Variants in TENM3 observed in about 807,000 individuals in gnomAD.
TENM3 encodes teneurin-3.
A neutral mutation model predicts 255.1 loss-of-function variants in TENM3; 63 were observed. That is an observed-to-expected ratio of 0.25 (90% CI 0.20 to 0.30). The LOEUF (loss-of-function observed/expected upper bound fraction) is 0.30. TENM3 is among the 10% of genes least tolerant of loss of function. The pLI is 1.00. For missense variants in TENM3, 2,929 were observed against 3,461.1 expected (o/e 0.85, Z 3.86); for synonymous variants, 1,306 against 1,322.3 (o/e 0.99, Z 0.27).
rs544303966 is a variant in TENM3, at chr4:182,156,278, A to G, written c.-76+11524A>G. On this transcript the variant is annotated intron_variant, in intron 1 of 2. Transcript: ENST00000512480. ...TTAACAATTTCTCCAGAACAAGTGC[A>G]TTTTTATGAGGTACGCGCCACTGAA... Among the ~76,000 whole-genome samples the G allele has an allele frequency of 1.5e-4, 23 of 152,292 alleles. No individual in the cohort carries two copies. The East Asian group carries it at 4.1e-3, about 27-fold the overall frequency.
At chr4:182,360,543 C>T (rs1765889550) in intron 3 of TENM3, among the ~76,000 whole-genome samples, 1 of 151,766 alleles carries the variant, frequency 6.6e-6, no homozygotes, top group Non-Finnish European at 1.5e-5. Flanking sequence ...AGGATTGCAA[C>T]CCCTGCCTTT....
At chr4:181,844,234 G>C in the TENM3 span, among the ~76,000 whole-genome samples, 1 of 152,050 alleles carries the variant, frequency 6.6e-6, no homozygotes, top group Non-Finnish European at 1.5e-5. Flanking sequence ...TGTTGCATTG[G>C]GGATTAAGTT....
chr4:182,051,218 C>T, the TENM3 span, among the ~76,000 whole-genome samples: 2 of 151,768 alleles, frequency 1.3e-5, no homozygotes, highest in Non-Finnish European at 2.9e-5. Context: ...TGGCAAGCGC[C>T]TGTAATCCCA....
chr4:182,663,744 A>T (rs542236867), intron 6 of TENM3, among the ~76,000 whole-genome samples: 16 of 152,330 alleles, frequency 1.1e-4, no homozygotes, highest in African/African-American at 3.1e-4. Flanking sequence ...TGTTAGTCAT[A>T]TGTCAAAAAT....
the TENM3 span, among the ~76,000 whole-genome samples, chr4:181,921,280 G>T: frequency 6.6e-6 from 1 of 152,252 alleles, no homozygotes; most frequent in East Asian, 1.9e-4. Flanking sequence ...GAAAGTCATT[G>T]GTAGCTTGAT....
intron 3 of TENM3, among the ~76,000 whole-genome samples, chr4:182,481,804 A>G (rs533614262): frequency 1.3e-5 from 2 of 152,398 alleles, no homozygotes; most frequent in South Asian, 2.1e-4. Flanking sequence ...TCAAAAATCA[A>G]TCACTCACTC....
chr4:182,503,080 T>G (rs1736479222), intron 3 of TENM3, among the ~76,000 whole-genome samples: 1 of 152,180 alleles, frequency 6.6e-6, no homozygotes, highest in African/African-American at 2.4e-5. Context: ...GGTTCAACTA[T>G]TCCTTATTTC....
chr4:181,894,059 A>G, the TENM3 span, among the ~76,000 whole-genome samples: 16 of 152,134 alleles, frequency 1.1e-4, no homozygotes, highest in South Asian at 4.1e-4. Flanking sequence ...TCTAGCAGGT[A>G]AGAAGAAAAC....
At chr4:181,906,877 C>CTTTTTAT in the TENM3 span, among the ~76,000 whole-genome samples, 4 of 151,958 alleles carry the variant, frequency 2.6e-5, no homozygotes, top group Admixed American at 2.0e-4. Flanking sequence ...GTCAACTCAC[C>CTTTTTAT]TTTTTATTTT....
Position 182,752,016 on chromosome 4 carries a change from A to T in TENM3, c.3846A>T (p.Thr1282=), listed in dbSNP as rs555183814. The stretch of plus-strand genomic sequence containing the variant: ...ATGGAGGGAAGGCCGTGGAAGCCAC[A>T]CTCATGAGTCCCAAAGGTACCGGCA... ...CGDGGKAVEA[T]LMSPKGMAVD... is the part of the protein sequence containing the mutation. The change falls in exon 20 of 28, where the codon ACA becomes ACT. Residue 1282 remains threonine, a synonymous_variant. Transcript: ENST00000511685. 5.0e-6 allele frequency: 8 copies of T among 1,606,814 alleles called. No homozygotes were observed. The highest frequency in any genetic ancestry group is 1.8e-4 in the Middle Eastern group (1 of 5,632).
At chr4:182,373,132 G>A (rs755998234) in intron 3 of TENM3, among the ~76,000 whole-genome samples, 7 of 152,214 alleles carry the variant, frequency 4.6e-5, no homozygotes, top group Non-Finnish European at 1.0e-4. Flanking sequence ...CGATAAAGAA[G>A]GGCAACATCT....
At chr4:182,135,714 T>C in the TENM3 span, among the ~76,000 whole-genome samples, 1 of 152,228 alleles carries the variant, frequency 6.6e-6, no homozygotes, top group Non-Finnish European at 1.5e-5. Flanking sequence ...GTATTGATGA[T>C]GTAAACATCT....
At chr4:181,563,551 T>C in the TENM3 span, among the ~76,000 whole-genome samples, 17,414 of 152,192 alleles carry the variant, frequency 0.11, 1,103 homozygotes, top group Middle Eastern at 0.16. Context: ...CTGAAAAACC[T>C]TGGAAGATAG....
At chr4:182,361,077 C>G (rs4274892) in intron 3 of TENM3, among the ~76,000 whole-genome samples, 146,507 of 152,238 alleles carry the variant, frequency 0.96, 70,589 homozygotes, top group Non-Finnish European at 0.98. Flanking sequence ...TGTAGAGTTT[C>G]TGCCGAGAGA....
Position 182,763,361 on chromosome 4 carries a change from C to A in TENM3, c.4892+8102C>A, listed in dbSNP as rs375189173. On this transcript the variant is annotated intron_variant, in intron 22 of 27. Coordinates refer to ENST00000511685, the MANE Select transcript of TENM3 (RefSeq NM_001080477.4). ...CGGGCGGATCACGACGTCAGGAGAT[C>A]GAGACCATCCTAGCTAACACGGTGA... Among the ~76,000 whole-genome samples the A allele has an allele frequency of 2.0e-5, 3 of 152,156 alleles. No individual in the cohort carries two copies. In the East Asian group the frequency reaches 5.8e-4, roughly 30 times the overall value.
intron 13 of TENM3, among the ~76,000 whole-genome samples, chr4:182,714,786 C>T (rs1029144108): frequency 6.6e-6 from 1 of 152,206 alleles, no homozygotes; most frequent in Non-Finnish European, 1.5e-5. Context: ...CACCGTTGAC[C>T]TCAGCCTCCA....
chr4:181,560,061 A>G, the TENM3 span, among the ~76,000 whole-genome samples: 3 of 152,204 alleles, frequency 2.0e-5, no homozygotes, highest in Admixed American at 1.3e-4. Context: ...GGCTACTGTA[A>G]CAGAATACCC....
At chr4:181,994,554 G>GGT in the TENM3 span, among the ~76,000 whole-genome samples, 9 of 128,394 alleles carry the variant, frequency 7.0e-5, no homozygotes, top group South Asian at 2.4e-4. Flanking sequence ...TTTTTTGTGG[G>GGT]TTTTTTTTTT....
At chr4:182,618,925 A>T (rs865875115) in intron 4 of TENM3, among the ~76,000 whole-genome samples, 17 of 151,272 alleles carry the variant, frequency 1.1e-4, no homozygotes, top group African/African-American at 3.9e-4. Context: ...AGGATCCCCC[A>T]ACAGGTTGAC....
Sources: gnomAD v4.1 joint callset for allele counts (sites outside exome capture counted in the v4.1 genomes callset) on GRCh38, gnomAD v4.1.1 for gene constraint, MANE v1.5 for transcripts, NCBI Gene and HGNC (gene_info 2026-07-23, HGNC 2026-07-21) for gene names.